KAT7: variants seen among roughly 807,000 people sequenced by gnomAD.
KAT7 encodes histone acetyltransferase KAT7.
In KAT7, 10 loss-of-function variants were observed where a neutral mutation model predicts 82.1. The ratio of observed to expected loss-of-function variants is 0.12; its 90% CI spans 0.08 to 0.21. The LOEUF (loss-of-function observed/expected upper bound fraction) is 0.21, where lower values mean the gene tolerates loss of function less well. KAT7 is among the 10% of genes least tolerant of loss of function. KAT7 has a pLI of 1.00. For missense variants in KAT7, 378 were observed against 760.9 expected (o/e 0.50, Z 5.92); for synonymous variants, 250 against 262.5 (o/e 0.95, Z 0.46).
In KAT7 at chr17:49,809,102, G is replaced by A. The variant is rs535118323; in HGVS notation, c.664-17G>A. The A allele has an allele frequency of 1.3e-4, 208 of 1,603,724 alleles. No individual in the cohort carries two copies. Among genetic ancestry groups the A allele is most frequent in the South Asian group, 5.8e-4 (53 of 90,826 alleles). On this transcript the variant is annotated splice_polypyrimidine_tract_variant and intron_variant, in intron 5 of 14. Transcript: ENST00000259021. ...CTTAGAAGCAGGTGGATTTATTGAC[G>A]TTGTTGATGGTTGCAGGTGAGAGCA...
chr17:49,829,456 C>G lies in KAT7; in HGVS notation c.*1954C>G, dbSNP rs529203323. On this transcript the variant is annotated 3_prime_UTR_variant, in exon 15 of 15. Transcript: ENST00000259021. ...AGGATATATGGGGGTACAGTTGATG[C>G]CTGTAGGAGATGGGAACAGACATTC... 1 of 152,304 alleles carries G rather than the reference C, an allele frequency of 6.6e-6. No homozygotes were observed. The highest frequency in any genetic ancestry group is 2.4e-5 in the African/African-American group (1 of 41,562). 9.4% of individuals were successfully genotyped at this position (152,304 alleles called of 1,614,324 possible).
chr17:49,818,763 G>T (rs1373437007), intron 9 of KAT7, among the ~76,000 whole-genome samples: 8 of 150,606 alleles, frequency 5.3e-5, no homozygotes, highest in Admixed American at 1.3e-4. Context: ...TTTTGAGAGG[G>T]AGTCTTGCTC....
intron 1 of KAT7, among the ~76,000 whole-genome samples, chr17:49,790,682 C>G (rs2073876061): frequency 6.6e-6 from 1 of 152,106 alleles, no homozygotes; most frequent in Non-Finnish European, 1.5e-5. Flanking sequence ...TTTTGTGTGT[C>G]TCATTTAGTG....
chr17:49,809,088 G>T (rs749757350), intron 5 of KAT7, 31 bp from the exon 6 acceptor site: 2 of 1,552,788 alleles, frequency 1.3e-6, no homozygotes, highest in African/African-American at 1.4e-5. Flanking sequence ...TTAGAAGCAG[G>T]TGGATTTATT....
At chr17:49,795,039 G>A (rs1270380832) in intron 2 of KAT7, among the ~76,000 whole-genome samples, 1 of 150,996 alleles carries the variant, frequency 6.6e-6, no homozygotes, top group Non-Finnish European at 1.5e-5. Context: ...ACGTTGGGGG[G>A]TGCAGCCGTG....
At chr17:49,812,901 C>T (rs2074186205) in intron 7 of KAT7, among the ~76,000 whole-genome samples, 1 of 151,778 alleles carries the variant, frequency 6.6e-6, no homozygotes, top group Non-Finnish European at 1.5e-5. Context: ...TGGGGTTTCA[C>T]CATGTTGGCC....
chr17:49,793,573 ATTT>A (rs542617795), intron 2 of KAT7, among the ~76,000 whole-genome samples: 419 of 136,298 alleles, frequency 3.1e-3, no homozygotes, highest in Non-Finnish European at 5.0e-3. Flanking sequence ...GCTTTGGTTA[ATTT>A]TTTTTTTTTT....
At chr17:49,821,503 A>C in intron 10 of KAT7, 77 bp downstream of exon 10, 3 of 1,472,654 alleles carry the variant, frequency 2.0e-6, no homozygotes, top group Non-Finnish European at 2.8e-6. Flanking sequence ...TTTTTTCTCC[A>C]TCACACCTTG....
At chr17:49,816,586 G>C (rs1222731974) in intron 8 of KAT7, among the ~76,000 whole-genome samples, 1 of 151,884 alleles carries the variant, frequency 6.6e-6, no homozygotes, top group Non-Finnish European at 1.5e-5. Context: ...CTTCCCCCTT[G>C]TATTAAAAAA....
intron 7 of KAT7, 189 bp from the exon 8 acceptor site, chr17:49,815,614 T>C (rs2074224422): frequency 2.3e-6 from 1 of 439,538 alleles, no homozygotes; most frequent in Non-Finnish European, 4.0e-6. Flanking sequence ...ATCACTGGGG[T>C]GGGTAGTGGG....
At chr17:49,820,741 G>A (rs1004138640) in intron 9 of KAT7, among the ~76,000 whole-genome samples, 3 of 144,566 alleles carry the variant, frequency 2.1e-5, no homozygotes, top group Non-Finnish European at 3.0e-5. Flanking sequence ...CAGCTAGGCT[G>A]CTTGCCTTTT....
At chr17:49,794,653 C>G (rs574159687) in intron 2 of KAT7, among the ~76,000 whole-genome samples, 8 of 152,310 alleles carry the variant, frequency 5.3e-5, no homozygotes, top group African/African-American at 1.7e-4. Flanking sequence ...ATGTTATTCT[C>G]GGCAGATGGA....
At chr17:49,800,302 C>T (rs1335666758) in intron 4 of KAT7, among the ~76,000 whole-genome samples, 6 of 152,138 alleles carry the variant, frequency 3.9e-5, no homozygotes, top group African/African-American at 1.4e-4. Flanking sequence ...TGAGCCACCA[C>T]GCCTGGCCAT....
Position 49,791,981 on chromosome 17 carries a change from A to G in KAT7, c.111A>G (p.Arg37=). The change falls in exon 2 of 15, where the codon CGA becomes CGG. Residue 37 remains arginine, a synonymous_variant. Coordinates refer to ENST00000259021, the MANE Select transcript of KAT7 (RefSeq NM_007067.5). ...TDSSESDGTS[R]RSARVTRSSA... is the part of the protein sequence containing the mutation. ...GTTCAGAAAGTGATGGCACATCCCG[A>G]CGATCTGCTCGAGTCACCCGCTCCT... The G allele has an allele frequency of 6.2e-7, 1 of 1,614,186 alleles. No individual in the cohort carries two copies. Among genetic ancestry groups the G allele is most frequent in the Non-Finnish European group, 8.5e-7 (1 of 1,180,036 alleles).
rs1395337695 is a variant in KAT7, at chr17:49,791,941, T to C, written c.71T>C (p.Leu24Pro). The C allele has an allele frequency of 1.4e-5, 22 of 1,614,080 alleles. No homozygotes were observed. Among genetic ancestry groups the C allele is most frequent in the Non-Finnish European group, 1.8e-5 (21 of 1,180,012 alleles). ...GAAGATTCCGATTTTTCTACAGATC[T>C]CGAGCACACAGACAGTTCAGAAAGT... is the stretch of plus-strand genomic sequence containing the variant. The part of the protein sequence containing the change: ...GTEDSDFSTD[L>P]EHTDSSESDG... The change falls in exon 2 of 15, where the codon CTC (leucine) becomes CCC (proline). Residue 24 changes from leucine (L) to proline (P), a missense_variant. Leu to Pro is a moderately conservative substitution (Grantham distance 98). Around this residue, in one of 6 missense-constraint regions of KAT7, gnomAD observed 161 missense variants for 229.6 expected, o/e 0.70. Coordinates refer to ENST00000259021, the MANE Select transcript of KAT7 (RefSeq NM_007067.5).
chr17:49,795,158 C>T (rs991122769), intron 2 of KAT7, among the ~76,000 whole-genome samples: 2 of 151,818 alleles, frequency 1.3e-5, no homozygotes, highest in African/African-American at 4.8e-5. Flanking sequence ...CTGTTCTCAC[C>T]ACAAAGAAAT....
At chr17:49,791,500 A>G (rs2073888716) in intron 1 of KAT7, among the ~76,000 whole-genome samples, 1 of 152,184 alleles carries the variant, frequency 6.6e-6, no homozygotes, top group Admixed American at 6.5e-5. Context: ...TCTACTAAAA[A>G]TACAAAAATT....
chr17:49,815,044 C>G (rs2074217075), intron 7 of KAT7: 2 of 152,110 alleles, frequency 1.3e-5, no homozygotes, highest in African/African-American at 4.8e-5. Context: ...GAATCTCTTT[C>G]CTGGAAAGGA....
At chr17:49,798,797 C>T (rs2073987825) in intron 4 of KAT7, among the ~76,000 whole-genome samples, 1 of 152,100 alleles carries the variant, frequency 6.6e-6, no homozygotes, top group South Asian at 2.1e-4. Flanking sequence ...TATCCTAGAG[C>T]TTTTCCCAGT....
Sources: allele counts gnomAD v4.1 joint callset (sites outside exome capture counted in the v4.1 genomes callset), GRCh38; gene constraint gnomAD v4.1.1; regional missense constraint gnomAD v4.1.1; transcripts MANE v1.5; gene names NCBI Gene and HGNC (gene_info 2026-07-23, HGNC 2026-07-21).